Variants in ANK3 observed in about 807,000 individuals in gnomAD.
The protein encoded by ANK3 is ankyrin-3.
Under a neutral mutation model 370.9 loss-of-function variants are expected in ANK3, and 57 were observed. That is an observed-to-expected ratio of 0.15 (90% CI 0.12 to 0.19). The LOEUF is 0.19. Among genes scored for constraint, ANK3 ranks in the 10% least tolerant of loss-of-function variants. The probability of loss-of-function intolerance (pLI) is 1.00; values close to 1 mark genes in which losing one functional copy is unlikely to be tolerated. For missense variants in ANK3, 4,439 were observed against 5,302.1 expected (o/e 0.84, Z 5.06); for synonymous variants, 1,929 against 1,946.3 (o/e 0.99, Z 0.23).
intron 1 of ANK3, among the ~76,000 whole-genome samples, chr10:60,616,274 C>A (rs2078266769): frequency 2.0e-5 from 3 of 152,152 alleles, no homozygotes; most frequent in Admixed American, 2.0e-4. Flanking sequence ...TTCACAACTT[C>A]TAAAACAGTA....
Position 60,083,483 on chromosome 10 carries a change from A to AT in ANK3, c.4200+8dup, listed in dbSNP as rs1483814782. 6.2e-7 allele frequency: 1 copy of AT among 1,607,436 alleles called. No homozygotes were observed. The highest frequency in any genetic ancestry group is 1.1e-5 in the South Asian group (1 of 88,960). On this transcript the variant is annotated intron_variant, in intron 33 of 43. Transcript: ENST00000280772. ...ATAATTCACAGATTCTCTGTTAAAG[A>AT]TGATTTACCTTGATGGAAAATGGCA...
At chr10:60,322,105 C>G (rs1345533188) in intron 1 of ANK3, among the ~76,000 whole-genome samples, 1 of 152,020 alleles carries the variant, frequency 6.6e-6, no homozygotes, top group Non-Finnish European at 1.5e-5. Flanking sequence ...ATAATAAAGA[C>G]ATTTGGTATA....
chr10:60,448,228 T>C (rs1045979985), intron 2 of ANK3, among the ~76,000 whole-genome samples: 1 of 152,226 alleles, frequency 6.6e-6, no homozygotes, highest in African/African-American at 2.4e-5. Flanking sequence ...GGAGATTCAT[T>C]ATTATTTCTG....
intron 2 of ANK3, among the ~76,000 whole-genome samples, chr10:60,430,536 A>C (rs746706160): frequency 1.3e-4 from 20 of 152,212 alleles, no homozygotes; most frequent in Middle Eastern, 3.2e-3. Flanking sequence ...TCAGGACACT[A>C]TTAAGATTGA....
At chr10:60,679,338 C>T (rs980489657) in intron 1 of ANK3, among the ~76,000 whole-genome samples, 11 of 152,046 alleles carry the variant, frequency 7.2e-5, no homozygotes, top group Admixed American at 2.0e-4. Flanking sequence ...GATGGTCAGG[C>T]GGTTGTTAAA....
At chr10:60,587,070 A>G (rs2077842505) in intron 2 of ANK3, among the ~76,000 whole-genome samples, 1 of 152,190 alleles carries the variant, frequency 6.6e-6, no homozygotes, top group Non-Finnish European at 1.5e-5. Flanking sequence ...GAAACTTACA[A>G]TCATGGTGGA....
chr10:60,066,871 T>C (rs1438526059), intron 38 of ANK3, among the ~76,000 whole-genome samples: 1 of 152,180 alleles, frequency 6.6e-6, no homozygotes, highest in Non-Finnish European at 1.5e-5. Flanking sequence ...AAAATTACAA[T>C]GCAGAATTGT....
intron 28 of ANK3, among the ~76,000 whole-genome samples, chr10:60,097,477 G>C (rs1202044085): frequency 6.6e-6 from 1 of 152,168 alleles, no homozygotes; most frequent in Non-Finnish European, 1.5e-5. Context: ...AATTTCTTAA[G>C]CACCTTGTAA....
intron 18 of ANK3, among the ~76,000 whole-genome samples, chr10:60,180,406 G>C (rs565076435): frequency 6.6e-5 from 10 of 151,862 alleles, no homozygotes; most frequent in African/African-American, 2.2e-4. Flanking sequence ...GACCATCCTG[G>C]CTAACATGGT....
intron 1 of ANK3, among the ~76,000 whole-genome samples, chr10:60,645,025 T>C (rs2078692080): frequency 6.6e-6 from 1 of 152,032 alleles, no homozygotes; most frequent in African/African-American, 2.4e-5. Context: ...ACTGTAAAAA[T>C]TTATGAGGCT....
At chr10:60,330,546 A>T (rs2050989145) in intron 1 of ANK3, among the ~76,000 whole-genome samples, 1 of 152,248 alleles carries the variant, frequency 6.6e-6, no homozygotes, top group Non-Finnish European at 1.5e-5. Flanking sequence ...GTCGTTAGAA[A>T]AATGCAAATC....
At chr10:60,698,897 T>TATAATAATA (rs200309538) in intron 1 of ANK3, among the ~76,000 whole-genome samples, 3,388 of 145,848 alleles carry the variant, frequency 0.023, 120 homozygotes, top group African/African-American at 0.073. Context: ...AAACTTAAAG[T>TATAATAATA]ATAATAATAA....
chr10:60,362,521 ACTT>A (rs1248204120), intron 1 of ANK3, among the ~76,000 whole-genome samples: 1 of 152,208 alleles, frequency 6.6e-6, no homozygotes, highest in African/African-American at 2.4e-5. Flanking sequence ...AAATGAGAAT[ACTT>A]CTATCGCACG....
intron 2 of ANK3, among the ~76,000 whole-genome samples, chr10:60,478,311 G>A (rs539409894): frequency 3.6e-4 from 55 of 152,018 alleles, no homozygotes; most frequent in South Asian, 2.5e-3. Context: ...GATTTTGTTC[G>A]TAACAGTCAC....
chr10:60,224,774 T>C (rs1409635957), intron 8 of ANK3, among the ~76,000 whole-genome samples: 1 of 152,034 alleles, frequency 6.6e-6, no homozygotes, highest in African/African-American at 2.4e-5. Flanking sequence ...TAATCTTTAA[T>C]TAAAAACTGA....
At chr10:60,117,515 T>G (rs2093179342) in intron 25 of ANK3, among the ~76,000 whole-genome samples, 1 of 152,102 alleles carries the variant, frequency 6.6e-6, no homozygotes, top group South Asian at 2.1e-4. Flanking sequence ...TAAAATATTG[T>G]GCTGGAAAGA....
intron 2 of ANK3, among the ~76,000 whole-genome samples, chr10:60,424,948 G>A (rs1300334247): frequency 6.6e-6 from 1 of 152,004 alleles, no homozygotes; most frequent in African/African-American, 2.4e-5. Context: ...CTAAAGAGGG[G>A]CCTTTAGGTC....
At chr10:60,369,640 A>G (rs1251369990) in intron 1 of ANK3, among the ~76,000 whole-genome samples, 1 of 152,186 alleles carries the variant, frequency 6.6e-6, no homozygotes, top group East Asian at 1.9e-4. Context: ...GTCATTGTAT[A>G]TCTCACAATC....
rs563809971 is a variant in ANK3, at chr10:60,388,608, T to G, written c.114+817A>C. 1.5e-4 allele frequency among the ~76,000 whole-genome samples: 22 copies of G among 151,660 alleles called. No homozygotes were observed. In the South Asian group the frequency reaches 4.6e-3, roughly 31 times the overall value. ...CTAGGAGTCATATTTAAGGGCACTC[T>G]AAGTACTCACGGGCTATAATAAATC... On this transcript the variant is annotated intron_variant, in intron 1 of 43. Coordinates refer to ENST00000280772, the MANE Select transcript of ANK3 (RefSeq NM_020987.5).
Sources: allele counts gnomAD v4.1 joint callset (sites outside exome capture counted in the v4.1 genomes callset), GRCh38; gene constraint gnomAD v4.1.1; transcripts MANE v1.5; gene names NCBI Gene and HGNC (gene_info 2026-07-23, HGNC 2026-07-21).